The following GIT2 variants were observed in gnomAD, a reference collection of about 807,000 sequenced individuals.
GIT2 encodes the protein GIT ArfGAP 2, also known as ARF GTPase-activating protein GIT2.
GIT2 carries 32 observed loss-of-function variants against 100.3 expected under a neutral mutation model. The observed-to-expected ratio is 0.32, with a 90% CI of 0.24 to 0.43. The LOEUF is 0.43. Ranked by LOEUF, GIT2 falls within the 20% of genes least tolerant of loss-of-function variation. GIT2 has a pLI of 1.00. For synonymous variants in GIT2, 353 were observed against 364.1 expected (o/e 0.97, Z 0.35); for missense variants, 737 against 975.1 (o/e 0.76, Z 3.25).
At chr12:109,991,516 A>T in intron 2 of GIT2, 111 bp downstream of exon 2, 1 of 793,900 alleles carries the variant, frequency 1.3e-6, no homozygotes, top group East Asian at 2.4e-5. Context: ...CTATTCAATT[A>T]TGAAACAGTT....
At position 109,953,077 on chromosome 12, in the gene GIT2, C is replaced by G. The variant is rs1461309369; in HGVS notation, c.1242+15G>C. 1 of 1,584,840 alleles carries G rather than the reference C, an allele frequency of 6.3e-7. No homozygotes were observed. Among genetic ancestry groups the G allele is most frequent in the Non-Finnish European group, 8.7e-7 (1 of 1,156,008 alleles). The stretch of plus-strand genomic sequence containing the variant: ...GATGCGTGCTTGCCCTTCCATGGGA[C>G]GCATGGCCTCTCACCTTCTGCCGGT... On this transcript the variant is annotated intron_variant, in intron 13 of 19. Coordinates refer to ENST00000355312, the MANE Select transcript of GIT2 (RefSeq NM_057169.5).
chr12:109,990,641 G>A (rs562101798), intron 2 of GIT2, among the ~76,000 whole-genome samples: 1 of 152,312 alleles, frequency 6.6e-6, no homozygotes, highest in South Asian at 2.1e-4. Flanking sequence ...CAGATTCAGT[G>A]AAATGTGTAA....
intron 7 of GIT2, among the ~76,000 whole-genome samples, chr12:109,977,484 C>A (rs1885345486): frequency 6.6e-6 from 1 of 152,110 alleles, no homozygotes; most frequent in African/African-American, 2.4e-5. Flanking sequence ...GCACTCCAGC[C>A]TAGGCGATGG....
chr12:109,975,116 T>C lies in GIT2; in HGVS notation c.718+5836A>G, dbSNP rs151110613. Among the ~76,000 whole-genome samples, 976 of 152,330 alleles carry C rather than the reference T, an allele frequency of 6.4e-3. 3 individuals carry two copies. Among genetic ancestry groups the C allele is most frequent in the African/African-American group, 0.022 (928 of 41,566 alleles). ...TTTTCCTGAGCCTTTACATGGTATA[T>C]CTTTTTATACTTTTGGTTTTTAACT... On this transcript the variant is annotated intron_variant, in intron 7 of 19. Transcript: ENST00000355312.
In GIT2 at chr12:109,929,896, A is replaced by C. The variant is rs1173339573; in HGVS notation, c.*3082T>G. Reference sequence around the variant, plus strand: ...AGGGCACAATAATTACAGGAATAGAATGTACAATAAAAAGTACAGAATAAT... The same window carrying C: ...AGGGCACAATAATTACAGGAATAGACTGTACAATAAAAAGTACAGAATAAT... On this transcript the variant is annotated 3_prime_UTR_variant, in exon 20 of 20. Coordinates refer to ENST00000355312, the MANE Select transcript of GIT2 (RefSeq NM_057169.5). 1 of 152,660 alleles carries C rather than the reference A, an allele frequency of 6.6e-6. No homozygotes were observed. The highest frequency in any genetic ancestry group is 2.4e-5 in the African/African-American group (1 of 41,466). The allele number at this position is 152,660 out of a possible 1,614,324, so 9.5% of individuals were successfully genotyped here.
intron 3 of GIT2, 141 bp from the exon 4 acceptor site, chr12:109,989,209 G>C (rs925144795): frequency 3.6e-5 from 23 of 642,300 alleles, no homozygotes; most frequent in African/African-American, 1.1e-4. Context: ...GTTTCAGCAA[G>C]GTTTAAGACC....
Position 109,934,164 on chromosome 12 carries a change from T to A in GIT2, c.2004-79A>T, listed in dbSNP as rs1309870211. 1 of 821,072 alleles carries A rather than the reference T, an allele frequency of 1.2e-6. No individual in the cohort carries two copies. The highest frequency in any genetic ancestry group is 1.7e-5 in the African/African-American group (1 of 59,536). The allele number at this position is 821,072 out of a possible 1,614,324, so 50.9% of individuals were successfully genotyped here. ...AAGAGGACTCAAGTGCTAGAACAGA[T>A]TCTGTTTACATTCCCTTCATGAAGG... On this transcript the variant is annotated intron_variant, in intron 18 of 19. Coordinates refer to ENST00000355312, the MANE Select transcript of GIT2 (RefSeq NM_057169.5). This position sits in a 1 kb window ranked among gnomAD's most constrained non-coding sequence, Gnocchi z 4.5.
At chr12:109,978,837 T>G (rs1885684831) in intron 7 of GIT2, among the ~76,000 whole-genome samples, 1 of 152,242 alleles carries the variant, frequency 6.6e-6, no homozygotes, top group Non-Finnish European at 1.5e-5. Context: ...TTGTGTCATC[T>G]TGGGGTTGGC....
In GIT2 at chr12:109,939,366, CAG is replaced by C; in HGVS notation, c.1732-121_1732-120del. ...TTCACATCCCAAATCTCATTTGGGA[CAG>C]GGGACAACTCTCTAGTGAAAATTTA... On this transcript the variant is annotated intron_variant, in intron 16 of 19. Transcript: ENST00000355312. The C allele has an allele frequency of 7.5e-6, 5 of 668,028 alleles. No individual in the cohort carries two copies. The South Asian group carries it at 8.1e-5, about 11-fold the overall frequency. The allele number at this position is 668,028 out of a possible 1,614,324, so 41.4% of individuals were successfully genotyped here.
intron 2 of GIT2, 57 bp from the exon 3 acceptor site, chr12:109,989,859 G>C (rs1042747789): frequency 1.1e-6 from 1 of 888,556 alleles, no homozygotes; most frequent in Non-Finnish European, 1.9e-6. Context: ...TATTCAATGG[G>C]GATCAGTGAC....
chr12:109,950,983 CTG>C (rs1877683639), intron 14 of GIT2, 182 bp downstream of exon 14: 3 of 645,344 alleles, frequency 4.6e-6, no homozygotes, highest in Non-Finnish European at 5.5e-6. Flanking sequence ...GGAACTTACT[CTG>C]GATATATTTC....
chr12:109,994,116 C>T (rs1002179592), intron 1 of GIT2, among the ~76,000 whole-genome samples: 13 of 147,760 alleles, frequency 8.8e-5, no homozygotes, highest in Non-Finnish European at 1.8e-4. Context: ...TGAAGCATAG[C>T]TTTGGTTTTC....
At chr12:109,960,036 C>A in intron 11 of GIT2, 78 bp from the exon 12 acceptor site, 1 of 907,758 alleles carries the variant, frequency 1.1e-6, no homozygotes. Flanking sequence ...ACTAGTCAGA[C>A]TATTGACAGA....
At chr12:109,991,191 T>C (rs1464523438) in intron 2 of GIT2, among the ~76,000 whole-genome samples, 1 of 151,678 alleles carries the variant, frequency 6.6e-6, no homozygotes, top group African/African-American at 2.4e-5. Context: ...GTGCCTGTAA[T>C]CCCAGCTACT....
At chr12:109,999,260 A>C (rs1455068410), upstream of GIT2, 1 of 152,152 alleles carries the variant, frequency 6.6e-6, no homozygotes, top group Non-Finnish European at 1.5e-5. The surrounding 1 kb of genome is among the most constrained non-coding windows in gnomAD (Gnocchi z 4.3). Flanking sequence ...TCTTTGGCCA[A>C]GAGAATGAGC....
At chr12:109,973,372 C>T (rs1029115986) in intron 7 of GIT2, among the ~76,000 whole-genome samples, 70 of 152,036 alleles carry the variant, frequency 4.6e-4, no homozygotes, top group African/African-American at 1.6e-3. Context: ...AACTCCCCAC[C>T]TCAAATGATC....
chr12:109,983,953 G>A (rs1484872703), intron 4 of GIT2: 1 of 428,858 alleles, frequency 2.3e-6, no homozygotes, highest in East Asian at 4.3e-5. Context: ...TATCTAAGAA[G>A]TGGCACAACC....
At position 109,947,758 on chromosome 12, in the gene GIT2, C is replaced by CA; in HGVS notation, c.1393-255dup. The CA allele has an allele frequency of 2.2e-6, 1 of 459,864 alleles. No individual in the cohort carries two copies. The highest frequency in any genetic ancestry group is 3.9e-6 in the Non-Finnish European group (1 of 256,426). The allele number at this position is 459,864 out of a possible 1,614,324, so 28.5% of individuals were successfully genotyped here. A position where few individuals can be genotyped will look rare whatever the true frequency, so the allele number is the denominator to read the frequency against. On this transcript the variant is annotated intron_variant, in intron 14 of 19. Transcript: ENST00000355312. This position sits in a 1 kb window ranked among gnomAD's most constrained non-coding sequence, Gnocchi z 4.3. ...GGAAAAGTTGTGGTTTGGACTTCCT[C>CA]AAAACAAAATGTCTAACCACTTTAA...
chr12:109,983,529 C>CA, intron 5 of GIT2, 26 bp from the exon 6 acceptor site: 1 of 1,609,462 alleles, frequency 6.2e-7, no homozygotes, highest in Admixed American at 1.7e-5. Flanking sequence ...AAAAAGTAGG[C>CA]AAAAGAGCAC....
Sources: allele counts gnomAD v4.1 joint callset (sites outside exome capture counted in the v4.1 genomes callset), GRCh38; gene constraint gnomAD v4.1.1; non-coding constraint Gnocchi (gnomAD v3.1); transcripts MANE v1.5; gene names NCBI Gene and HGNC (gene_info 2026-07-23, HGNC 2026-07-21).